The following HHIPL2 variants were observed in gnomAD, a reference collection of about 807,000 sequenced individuals.
The protein encoded by HHIPL2 is HHIP-like protein 2.
HHIPL2 carries 61 observed loss-of-function variants against 61.0 expected under a neutral mutation model. The ratio of observed to expected loss-of-function variants is 1.00; its 90% CI spans 0.81 to 1.24. The LOEUF is 1.24. Among genes scored for constraint, HHIPL2 ranks in the 50% most tolerant of loss-of-function variants. The probability of loss-of-function intolerance (pLI) is 0.00; values close to 1 mark genes in which losing one functional copy is unlikely to be tolerated. For synonymous variants in HHIPL2, 343 were observed against 357.4 expected, an observed-to-expected ratio of 0.96 and a Z score of 0.45; for missense variants, 885 against 910.2, an observed-to-expected ratio of 0.97 and a Z score of 0.36.
chr1:222,542,194 A>C, intron 2 of HHIPL2, 39 bp from the exon 3 acceptor site: 1 of 1,605,438 alleles, frequency 6.2e-7, no homozygotes, highest in Non-Finnish European at 8.5e-7. Context: ...AGGATTTGAC[A>C]CAAGCTGAAG....
At chr1:222,534,819 A>G (rs575383694) in intron 5 of HHIPL2, among the ~76,000 whole-genome samples, 42 of 152,294 alleles carry the variant, frequency 2.8e-4, no homozygotes, top group Non-Finnish European at 5.6e-4. Flanking sequence ...TCATCAGCGA[A>G]CTATGGAACA....
intron 2 of HHIPL2, among the ~76,000 whole-genome samples, chr1:222,542,758 A>G (rs1243167027): frequency 6.6e-6 from 1 of 151,504 alleles, no homozygotes; most frequent in Non-Finnish European, 1.5e-5. Context: ...CCTGACCTCA[A>G]GTGATCCGCC....
At chr1:222,537,583 G>C (rs1215337111) in intron 5 of HHIPL2, among the ~76,000 whole-genome samples, 1 of 149,134 alleles carries the variant, frequency 6.7e-6, no homozygotes. Flanking sequence ...AGTGAGCCGA[G>C]ATCGCACCAC....
At chr1:222,543,335 A>G (rs1465106530) in intron 2 of HHIPL2, among the ~76,000 whole-genome samples, 1 of 152,178 alleles carries the variant, frequency 6.6e-6, no homozygotes, top group Admixed American at 6.5e-5. Flanking sequence ...ATTTAGGGTA[A>G]CTGTAAGGTG....
intron 1 of HHIPL2, among the ~76,000 whole-genome samples, chr1:222,544,938 G>A (rs1460146388): frequency 6.6e-6 from 1 of 152,188 alleles, no homozygotes; most frequent in Non-Finnish European, 1.5e-5. Context: ...TATATGCAAA[G>A]TACCATGCTG....
chr1:222,538,676 G>A lies in HHIPL2; in HGVS notation c.1549C>T (p.Leu517=). ...RGCESPNLNG[L]YIFGDFMSGR... is the part of the protein sequence containing the mutation. Reference sequence around the variant, plus strand: ...CTCATGAAGTCTCCAAAGATATACAGGCCATTGAGATTTGGGGATTCACAA... The same window carrying A: ...CTCATGAAGTCTCCAAAGATATACAAGCCATTGAGATTTGGGGATTCACAA... The change falls in exon 5 of 9, where the codon CTG becomes TTG. Residue 517 remains leucine, a synonymous_variant. Coordinates refer to ENST00000343410, the MANE Select transcript of HHIPL2 (RefSeq NM_024746.4). 2 of 1,613,842 alleles carry A rather than the reference G, an allele frequency of 1.2e-6. No homozygotes were observed. The highest frequency in any genetic ancestry group is 1.7e-6 in the Non-Finnish European group (2 of 1,179,750).
At position 222,544,028 on chromosome 1, in the gene HHIPL2, A is replaced by G. The variant is rs955775136; in HGVS notation, c.483T>C (p.His161=). 1 of 1,614,182 alleles carries G rather than the reference A, an allele frequency of 6.2e-7. No individual in the cohort carries two copies. Among genetic ancestry groups the G allele is most frequent in the Non-Finnish European group, 8.5e-7 (1 of 1,180,028 alleles). Reference sequence around the variant, plus strand: ...GGCAGAAGCGGGTACCGTCCCTTCCATGAGACTCCTGGAGGCCGCGGTCAT... The same window carrying G: ...GGCAGAAGCGGGTACCGTCCCTTCCGTGAGACTCCTGGAGGCCGCGGTCAT... The part of the protein sequence containing the change: ...LTNDRGLQES[H]GRDGTRFCHL... Residue 161 remains histidine (H), a synonymous_variant, in exon 2 of 9, where the codon CAT becomes CAC. Coordinates refer to ENST00000343410, the MANE Select transcript of HHIPL2 (RefSeq NM_024746.4).
chr1:222,538,582 G>A, intron 5 of HHIPL2, 66 bp downstream of exon 5: 1 of 1,420,004 alleles, frequency 7.0e-7, no homozygotes, highest in Non-Finnish European at 9.8e-7. Flanking sequence ...TTCACCATAT[G>A]TAAGTTATAC....
chr1:222,546,048 A>AAAT (rs961236198), intron 1 of HHIPL2, among the ~76,000 whole-genome samples: 2 of 11,436 alleles, frequency 1.7e-4, no homozygotes, highest in Non-Finnish European at 1.6e-4. Context: ...CTGTCTCAAA[A>AAAT]AATAAATAAA....
Position 222,542,096 on chromosome 1 carries a change from C to A in HHIPL2, c.1034G>T (p.Gly345Val). 6.2e-7 allele frequency: 1 copy of A among 1,613,978 alleles called. No homozygotes were observed. The highest frequency in any genetic ancestry group is 1.1e-5 in the South Asian group (1 of 91,058). The change falls in exon 3 of 9, where the codon GGC becomes GTC. Residue 345 changes from glycine to valine, a missense_variant. Gly to Val is a moderately radical substitution (Grantham distance 109). Coordinates refer to ENST00000343410, the MANE Select transcript of HHIPL2 (RefSeq NM_024746.4). ...SNHNGGQLLF[G>V]LDGYMYIFTG... ...GAATATGTACATATAGCCATCCAGGCCAAAAAGAAGTTGTCCGCCATTATG... is the reference window on the plus strand; with the variant it reads ...GAATATGTACATATAGCCATCCAGGACAAAAAGAAGTTGTCCGCCATTATG...
chr1:222,538,217 T>TA (rs756066699), intron 5 of HHIPL2, among the ~76,000 whole-genome samples: 16 of 149,114 alleles, frequency 1.1e-4, no homozygotes, highest in Non-Finnish European at 1.8e-4. Context: ...TGTGTGTGTG[T>TA]GTGTGTGTGT....
chr1:222,536,266 A>G (rs960604313), intron 5 of HHIPL2, among the ~76,000 whole-genome samples: 3 of 152,168 alleles, frequency 2.0e-5, no homozygotes, highest in Non-Finnish European at 4.4e-5. Context: ...ATTTAAAAAA[A>G]AGAGAAGACA....
Position 222,543,820 on chromosome 1 carries a change from G to C in HHIPL2, c.691C>G (p.Arg231Gly), listed in dbSNP as rs1659492683. ...CCTACCTGCTCGGCAACAAAGAAGC[G>C]ATGGGTGCCGTCCCCAGCATGGACC... ...SMVHAGDGTH[R>G]FFVAEQVGVV... Residue 231 changes from arginine (R) to glycine (G), a missense_variant, in exon 2 of 9, where the codon CGC becomes GGC. By Grantham distance (125) the Arg-to-Gly change is moderately radical. Coordinates refer to ENST00000343410, the MANE Select transcript of HHIPL2 (RefSeq NM_024746.4). 1.2e-6 allele frequency: 2 copies of C among 1,614,024 alleles called. No individual in the cohort carries two copies. Among genetic ancestry groups the C allele is most frequent in the Admixed American group, 1.7e-5 (1 of 60,000 alleles).
Position 222,530,229 on chromosome 1 carries a change from C to A in HHIPL2, c.1723+1737G>T, listed in dbSNP as rs183308779. ...CTGCAAGCACAACAAACCAAGCCAC[C>A]AAAGCCAGGTTCTCTGTGGCCTCCT... On this transcript the variant is annotated intron_variant, in intron 6 of 8. Transcript: ENST00000343410. Among the ~76,000 whole-genome samples, 888 of 152,138 alleles carry A rather than the reference C, an allele frequency of 5.8e-3. 25 individuals carry two copies. Among genetic ancestry groups the A allele is most frequent in the Admixed American group, 0.046 (705 of 15,292 alleles).
At chr1:222,545,048 C>A (rs549171499) in intron 1 of HHIPL2, among the ~76,000 whole-genome samples, 7 of 152,294 alleles carry the variant, frequency 4.6e-5, no homozygotes, top group African/African-American at 1.7e-4. Context: ...GCTACTTGGA[C>A]CTCCCTAGAC....
intron 4 of HHIPL2, 182 bp from the exon 5 acceptor site, chr1:222,538,956 A>C: frequency 1.8e-6 from 1 of 555,720 alleles, no homozygotes; most frequent in Non-Finnish European, 3.0e-6. Context: ...CATCCACAAT[A>C]TTTGCAAACT....
At chr1:222,544,269 G>GA in intron 1 of HHIPL2, 80 bp from the exon 2 acceptor site, 2 of 1,449,422 alleles carry the variant, frequency 1.4e-6, no homozygotes, top group South Asian at 1.3e-5. Context: ...CAAGCAGAAA[G>GA]AAAAAATGGT....
intron 5 of HHIPL2, among the ~76,000 whole-genome samples, chr1:222,537,382 T>G (rs1350782755): frequency 1.3e-5 from 2 of 150,746 alleles, no homozygotes; most frequent in Non-Finnish European, 3.0e-5. Context: ...TTCCCCTATT[T>G]CTATTCAACA....
intron 6 of HHIPL2, among the ~76,000 whole-genome samples, chr1:222,530,096 G>A (rs17163152): frequency 8.6e-5 from 13 of 151,960 alleles, no homozygotes; most frequent in Middle Eastern, 3.4e-3. Context: ...TTGGGAACAC[G>A]TTGGCAAGTC....
Sources: allele counts gnomAD v4.1 joint callset (sites outside exome capture counted in the v4.1 genomes callset), GRCh38; gene constraint gnomAD v4.1.1; transcripts MANE v1.5; gene names NCBI Gene and HGNC (gene_info 2026-07-23, HGNC 2026-07-21).